DOK6: variants seen among roughly 807,000 people sequenced by gnomAD.
The protein encoded by DOK6 is downstream of tyrosine kinase 6.
In DOK6, 22 loss-of-function variants were observed where a neutral mutation model predicts 44.0. That is an observed-to-expected ratio of 0.50 (90% CI 0.36 to 0.71). The LOEUF is 0.71. Ranked by LOEUF, DOK6 falls within the 30% of genes least tolerant of loss-of-function variation. The pLI, the probability that DOK6 is intolerant of heterozygous loss-of-function variation, is 0.00. For synonymous variants in DOK6, 166 were observed against 145.5 expected (o/e 1.14, Z -1.01); for missense variants, 340 against 416.4 (o/e 0.82, Z 1.60).
intron 5 of DOK6, among the ~76,000 whole-genome samples, chr18:69,699,084 T>C (rs1986454782): frequency 6.6e-6 from 1 of 152,140 alleles, no homozygotes; most frequent in Admixed American, 6.6e-5. Flanking sequence ...TTGGAATCCA[T>C]AAGGGTCTGA....
At chr18:69,601,216 C>T (rs1198375637) in intron 3 of DOK6, among the ~76,000 whole-genome samples, 1 of 152,128 alleles carries the variant, frequency 6.6e-6, no homozygotes, top group Non-Finnish European at 1.5e-5. Flanking sequence ...GCCTGAATGT[C>T]CTTGCCCTCA....
intron 3 of DOK6, among the ~76,000 whole-genome samples, chr18:69,634,365 C>A (rs1984756172): frequency 6.6e-6 from 1 of 152,110 alleles, no homozygotes; most frequent in Non-Finnish European, 1.5e-5. Context: ...TACTCCCCAG[C>A]AAAGACATTT....
chr18:69,839,275 A>G (rs866261819), intron 7 of DOK6, among the ~76,000 whole-genome samples: 2 of 124,816 alleles, frequency 1.6e-5, no homozygotes, highest in African/African-American at 6.3e-5. Flanking sequence ...CCCCTCCCCT[A>G]ACTCCTCCCT....
At chr18:69,542,638 G>C (rs1284106174) in intron 1 of DOK6, among the ~76,000 whole-genome samples, 1 of 151,422 alleles carries the variant, frequency 6.6e-6, no homozygotes, top group Non-Finnish European at 1.5e-5. Context: ...AAGTAGGAAA[G>C]AAACACCATG....
Position 69,575,151 on chromosome 18 carries a change from G to A in DOK6, c.174+10557G>A, listed in dbSNP as rs1429140421. Among the ~76,000 whole-genome samples, 4 of 152,012 alleles carry A rather than the reference G, an allele frequency of 2.6e-5. No individual in the cohort carries two copies. The East Asian group carries it at 5.8e-4, about 22-fold the overall frequency. On this transcript the variant is annotated intron_variant, in intron 2 of 7. Coordinates refer to ENST00000382713, the MANE Select transcript of DOK6 (RefSeq NM_152721.6). Reference sequence around the variant, plus strand: ...AAGACTTTGTAACTGACTGTGTATAGGGGAAATGGAAGAGAGAGGAATGAA... The same window carrying A: ...AAGACTTTGTAACTGACTGTGTATAAGGGAAATGGAAGAGAGAGGAATGAA...
chr18:69,652,044 C>G (rs1371615319), intron 3 of DOK6, among the ~76,000 whole-genome samples: 2 of 152,180 alleles, frequency 1.3e-5, no homozygotes, highest in East Asian at 3.9e-4. Context: ...TTTAACCTTG[C>G]TGTGTGCTGG....
chr18:69,690,952 A>C (rs1986251195), intron 4 of DOK6, among the ~76,000 whole-genome samples: 1 of 152,104 alleles, frequency 6.6e-6, no homozygotes, highest in Non-Finnish European at 1.5e-5. Flanking sequence ...AGGCCGAGAC[A>C]GGAAGATCAT....
intron 2 of DOK6, among the ~76,000 whole-genome samples, chr18:69,575,193 A>G (rs1983210361): frequency 6.6e-6 from 1 of 152,118 alleles, no homozygotes; most frequent in Non-Finnish European, 1.5e-5. Context: ...GATCTTTTCA[A>G]GACAGGGTGG....
At chr18:69,499,509 T>C (rs993439791) in intron 1 of DOK6, among the ~76,000 whole-genome samples, 7 of 152,208 alleles carry the variant, frequency 4.6e-5, no homozygotes. Flanking sequence ...TTCTCTGTTT[T>C]AAAATTTTAC....
intron 4 of DOK6, among the ~76,000 whole-genome samples, chr18:69,691,258 C>G (rs1269725437): frequency 6.6e-6 from 1 of 151,834 alleles, no homozygotes; most frequent in Non-Finnish European, 1.5e-5. Context: ...TTCTTGTTGT[C>G]TCTGTATTGT....
intron 3 of DOK6, among the ~76,000 whole-genome samples, chr18:69,639,199 T>G (rs1187323610): frequency 6.6e-5 from 10 of 152,170 alleles, no homozygotes; most frequent in Admixed American, 6.5e-4. Context: ...GCTCCAGTGA[T>G]CCCTGATCCA....
chr18:69,697,372 C>T (rs1986410816), intron 4 of DOK6, among the ~76,000 whole-genome samples: 1 of 152,124 alleles, frequency 6.6e-6, no homozygotes, highest in African/African-American at 2.4e-5. Context: ...ACAATTAAAT[C>T]CTAACCCACA....
chr18:69,838,302 G>A (rs932154458), intron 7 of DOK6, among the ~76,000 whole-genome samples: 1 of 150,784 alleles, frequency 6.6e-6, no homozygotes, highest in Admixed American at 6.6e-5. Flanking sequence ...ATACTTTCCA[G>A]CTATCTTATG....
At chr18:69,505,251 T>C (rs1981149659) in intron 1 of DOK6, among the ~76,000 whole-genome samples, 1 of 152,210 alleles carries the variant, frequency 6.6e-6, no homozygotes, top group African/African-American at 2.4e-5. Flanking sequence ...TTGAAGGGAC[T>C]GTGGTTAAGC....
At chr18:69,401,863 C>G (rs1916107567) in intron 1 of DOK6, among the ~76,000 whole-genome samples, 1 of 152,154 alleles carries the variant, frequency 6.6e-6, no homozygotes, top group African/African-American at 2.4e-5. Flanking sequence ...TGCTCCCCTA[C>G]CCGGGGACCC....
chr18:69,644,799 G>A (rs1056057658), intron 3 of DOK6, among the ~76,000 whole-genome samples: 1 of 152,178 alleles, frequency 6.6e-6, no homozygotes, highest in Non-Finnish European at 1.5e-5. Context: ...TGATCCAGGA[G>A]TCTTGTCAGC....
At chr18:69,664,898 G>T (rs1324260379) in intron 3 of DOK6, among the ~76,000 whole-genome samples, 1 of 152,186 alleles carries the variant, frequency 6.6e-6, no homozygotes, top group Non-Finnish European at 1.5e-5. Flanking sequence ...GCAAAATGTG[G>T]CCAGGTGCGA....
intron 4 of DOK6, among the ~76,000 whole-genome samples, chr18:69,690,764 G>C (rs1281189719): frequency 2.0e-5 from 3 of 152,106 alleles, no homozygotes; most frequent in African/African-American, 4.8e-5. Flanking sequence ...AGATTCTTGA[G>C]GACTTACTCA....
At chr18:69,763,555 A>G (rs1244713333) in intron 7 of DOK6, among the ~76,000 whole-genome samples, 1 of 152,210 alleles carries the variant, frequency 6.6e-6, no homozygotes, top group East Asian at 1.9e-4. Flanking sequence ...AATGTTTTGA[A>G]AGCCCTGAGG....
Sources: allele counts gnomAD v4.1 joint callset (sites outside exome capture counted in the v4.1 genomes callset), GRCh38; gene constraint gnomAD v4.1.1; transcripts MANE v1.5; gene names NCBI Gene and HGNC (gene_info 2026-07-23, HGNC 2026-07-21).